The following CHST13 variants were observed in gnomAD, a reference collection of about 807,000 sequenced individuals.
CHST13 encodes C4ST-3.
Under a neutral mutation model 7.0 loss-of-function variants are expected in CHST13, and 1 was observed. That is an observed-to-expected ratio of 0.14 (90% CI 0.05 to 0.68). The LOEUF is 0.68. Ranked by LOEUF, CHST13 falls within the 30% of genes least tolerant of loss-of-function variation. The pLI is 0.82. For synonymous variants in CHST13, 257 were observed against 240.9 expected (o/e 1.07, Z -0.62); for missense variants, 572 against 507.9 (o/e 1.13, Z -1.21).
chr3:126,534,711 C>T (rs112742269), intron 1 of CHST13, among the ~76,000 whole-genome samples: 24 of 145,622 alleles, frequency 1.6e-4, no homozygotes, highest in African/African-American at 5.7e-4. Flanking sequence ...TGTCCTCAGC[C>T]GGGAGACAGA....
At chr3:126,541,621 C>T (rs1216280725) in intron 2 of CHST13, 112 bp from the exon 3 acceptor site, 10 of 1,061,706 alleles carry the variant, frequency 9.4e-6, no homozygotes, top group Non-Finnish European at 1.1e-5. Context: ...TTTGGGTGCC[C>T]GGCGCAGCTC....
At chr3:126,534,290 A>G (rs1936716738) in intron 1 of CHST13, among the ~76,000 whole-genome samples, 1 of 152,294 alleles carries the variant, frequency 6.6e-6, no homozygotes, top group African/African-American at 2.4e-5. Context: ...CTATGCATAA[A>G]AAGATATTCC....
chr3:126,530,562 C>T lies in CHST13; in HGVS notation c.98-5709C>T, dbSNP rs191839766. 8.5e-5 allele frequency among the ~76,000 whole-genome samples: 13 copies of T among 152,376 alleles called. No individual in the cohort carries two copies. The East Asian group carries it at 9.6e-4, about 11-fold the overall frequency. ...AAAGGGACACGTCTCATCTGCAACA[C>T]GGCGAGAAGGCCTGGCCTCCTCTCA... On this transcript the variant is annotated intron_variant, in intron 1 of 2. Coordinates refer to ENST00000319340, the MANE Select transcript of CHST13 (RefSeq NM_152889.3).
intron 1 of CHST13, among the ~76,000 whole-genome samples, chr3:126,534,554 C>T (rs1055094935): frequency 6.6e-6 from 1 of 151,462 alleles, no homozygotes; most frequent in African/African-American, 2.4e-5. Context: ...GACAGCATCC[C>T]TGTCCTCAGC....
At chr3:126,540,610 G>A (rs1357603007) in intron 2 of CHST13, among the ~76,000 whole-genome samples, 3 of 152,192 alleles carry the variant, frequency 2.0e-5, no homozygotes, top group Non-Finnish European at 2.9e-5. Context: ...ATGGATGGCC[G>A]CATACATTTG....
At chr3:126,540,080 G>A (rs570790682) in intron 2 of CHST13, among the ~76,000 whole-genome samples, 2,187 of 149,378 alleles carry the variant, frequency 0.015, 28 homozygotes, top group Non-Finnish European at 0.023. Flanking sequence ...CACACCACAC[G>A]CGTGCACCAC....
intron 1 of CHST13, among the ~76,000 whole-genome samples, chr3:126,534,201 T>C (rs1410551542): frequency 2.6e-5 from 4 of 152,232 alleles, no homozygotes; most frequent in Non-Finnish European, 4.4e-5. Context: ...ATATGCATAA[T>C]CATATTTCTG....
Position 126,542,587 on chromosome 3 carries a change from G to T in CHST13, c.*9G>T. 6.8e-7 allele frequency: 1 copy of T among 1,466,862 alleles called. No individual in the cohort carries two copies. Among genetic ancestry groups the T allele is most frequent in the East Asian group, 2.7e-5 (1 of 37,304 alleles). The allele number at this position is 1,466,862 out of a possible 1,614,324, so 90.9% of individuals were successfully genotyped here. On this transcript the variant is annotated 3_prime_UTR_variant, in exon 3 of 3. Coordinates refer to ENST00000319340, the MANE Select transcript of CHST13 (RefSeq NM_152889.3). ...ACCTGCGGCTGCTCTAGCGGTCCTGGAGGTCCTGTGGCCACGCGGGGCAAG... is the reference window on the plus strand; with the variant it reads ...ACCTGCGGCTGCTCTAGCGGTCCTGTAGGTCCTGTGGCCACGCGGGGCAAG...
rs568699770 is a variant in CHST13 at position 126,542,038 on chromosome 3, G to C, written c.486G>C (p.Arg162=). 6.4e-7 allele frequency: 1 copy of C among 1,573,274 alleles called. No individual in the cohort carries two copies. Among genetic ancestry groups the C allele is most frequent in the Admixed American group, 1.8e-5 (1 of 55,808 alleles). ...ACTTCAGCCCCGCCGAGATCAACCG[G>C]CGCCTGCGCGCCTACTTGGCCTTCC... ...LADFSPAEIN[R]RLRAYLAFLF... is the part of the protein sequence containing the mutation. The change falls in exon 3 of 3, where the codon CGG becomes CGC. Residue 162 remains arginine (R), a synonymous_variant. Transcript: ENST00000319340.
At chr3:126,531,007 G>C (rs796385792) in intron 1 of CHST13, among the ~76,000 whole-genome samples, 32 of 152,374 alleles carry the variant, frequency 2.1e-4, no homozygotes, top group African/African-American at 7.5e-4. Context: ...TCTGGACAAT[G>C]GGCTTTAGGG....
At chr3:126,533,237 C>A (rs901865807) in intron 1 of CHST13, among the ~76,000 whole-genome samples, 1 of 152,108 alleles carries the variant, frequency 6.6e-6, no homozygotes, top group African/African-American at 2.4e-5. Context: ...TTTCCCTGCC[C>A]AATTACCCTG....
At position 126,536,365 on chromosome 3, in the gene CHST13, G is replaced by A; in HGVS notation, c.180+12G>A. On this transcript the variant is annotated intron_variant, in intron 2 of 2. Coordinates refer to ENST00000319340, the MANE Select transcript of CHST13 (RefSeq NM_152889.3). ...ATGACCTGGATCAGGTAGGTGGACA[G>A]ACCCTCGACCCAGGCATGCCCCCCT... The A allele has an allele frequency of 6.2e-7, 1 of 1,607,108 alleles. No homozygotes were observed. Among genetic ancestry groups the A allele is most frequent in the Non-Finnish European group, 8.5e-7 (1 of 1,174,072 alleles).
At chr3:126,529,188 C>T (rs1225882263) in intron 1 of CHST13, 7 of 685,600 alleles carry the variant, frequency 1.0e-5, no homozygotes, top group Middle Eastern at 2.8e-4. Flanking sequence ...GGAGGATGGT[C>T]GTGCTTCTGC....
At chr3:126,535,598 ACAGCCGGACAGC>A (rs1486938805) in intron 1 of CHST13, among the ~76,000 whole-genome samples, 30 of 151,980 alleles carry the variant, frequency 2.0e-4, no homozygotes, top group African/African-American at 7.3e-4. Context: ...CAGTCGGGAG[ACAGCCGGACAGC>A]ATCACTTTTC....
chr3:126,524,771 C>T (rs1267774299), intron 1 of CHST13, among the ~76,000 whole-genome samples: 1 of 152,198 alleles, frequency 6.6e-6, no homozygotes, highest in Non-Finnish European at 1.5e-5. Flanking sequence ...CCTTCCCCTG[C>T]GCACCCCACG....
In CHST13 at chr3:126,540,862, C is replaced by G. The variant is rs554647698; in HGVS notation, c.181-871C>G. Among the ~76,000 whole-genome samples the G allele has an allele frequency of 4.6e-5, 7 of 152,354 alleles. No individual in the cohort carries two copies. In the East Asian group the frequency reaches 1.2e-3, roughly 25 times the overall value. On this transcript the variant is annotated intron_variant, in intron 2 of 2. Coordinates refer to ENST00000319340, the MANE Select transcript of CHST13 (RefSeq NM_152889.3). ...AAGCTCCAGTTTCTCCACATCCTCACCAATTCCTAATTGTCTTTTTAATTA... is the reference window on the plus strand; with the variant it reads ...AAGCTCCAGTTTCTCCACATCCTCAGCAATTCCTAATTGTCTTTTTAATTA...
chr3:126,536,251 C>A lies in CHST13; in HGVS notation c.98-20C>A. 6.2e-7 allele frequency: 1 copy of A among 1,611,082 alleles called. No homozygotes were observed. The highest frequency in any genetic ancestry group is 8.5e-7 in the Non-Finnish European group (1 of 1,177,566). ...AGTCCCTCTGATATGGTGGCGACATCTCTCTCCTTATGCCCACAGCATTTG... is the reference window on the plus strand; with the variant it reads ...AGTCCCTCTGATATGGTGGCGACATATCTCTCCTTATGCCCACAGCATTTG... On this transcript the variant is annotated intron_variant, in intron 1 of 2. Transcript: ENST00000319340.
intron 1 of CHST13, among the ~76,000 whole-genome samples, chr3:126,529,567 T>C (rs956641834): frequency 6.6e-6 from 1 of 152,130 alleles, no homozygotes; most frequent in Non-Finnish European, 1.5e-5. Context: ...GGGATAAAGA[T>C]AGTTTCTACA....
intron 2 of CHST13, among the ~76,000 whole-genome samples, chr3:126,540,526 G>A (rs13079087): frequency 0.34 from 51,737 of 151,970 alleles, 9,279 homozygotes; most frequent in African/African-American, 0.45. Context: ...TTGGCATAAC[G>A]CCCTCCAGGT....
Sources: gnomAD v4.1 joint callset for allele counts (sites outside exome capture counted in the v4.1 genomes callset) on GRCh38, gnomAD v4.1.1 for gene constraint, MANE v1.5 for transcripts, NCBI Gene and HGNC (gene_info 2026-07-23, HGNC 2026-07-21) for gene names.